The following SEMA5A variants were observed in gnomAD, a reference collection of about 807,000 sequenced individuals.
The protein encoded by SEMA5A is semaphorin-5A.
In SEMA5A, 55 loss-of-function variants were observed where a neutral mutation model predicts 135.5. The ratio of observed to expected loss-of-function variants is 0.41; its 90% CI spans 0.33 to 0.51. The LOEUF (loss-of-function observed/expected upper bound fraction) is 0.51. Ranked by LOEUF, SEMA5A falls within the 20% of genes least tolerant of loss-of-function variation. The pLI is 0.37. For synonymous variants in SEMA5A, 580 were observed against 546.5 expected, an observed-to-expected ratio of 1.06 and a Z score of -0.85; for missense variants, 1,290 against 1,419.9, an observed-to-expected ratio of 0.91 and a Z score of 1.47.
intron 12 of SEMA5A, among the ~76,000 whole-genome samples, chr5:9,148,301 C>T (rs1203200130): frequency 6.6e-6 from 1 of 152,136 alleles, no homozygotes; most frequent in Non-Finnish European, 1.5e-5. Flanking sequence ...ACTTAGGGGT[C>T]AGCAAACCAC....
chr5:9,531,249 G>A (rs1354827193), intron 1 of SEMA5A, among the ~76,000 whole-genome samples: 1 of 152,170 alleles, frequency 6.6e-6, no homozygotes, highest in Non-Finnish European at 1.5e-5. Flanking sequence ...ATCCTGAAAA[G>A]GAAGACTGTA....
chr5:9,350,856 C>T (rs557891500), intron 3 of SEMA5A, among the ~76,000 whole-genome samples: 82 of 152,310 alleles, frequency 5.4e-4, no homozygotes, highest in South Asian at 1.5e-3. Flanking sequence ...TCTACATCTA[C>T]CCCATCACTG....
chr5:9,538,023 G>A (rs1219441050), intron 1 of SEMA5A, among the ~76,000 whole-genome samples: 1 of 152,150 alleles, frequency 6.6e-6, no homozygotes, highest in Non-Finnish European at 1.5e-5. Flanking sequence ...GAGAGCTGAG[G>A]AAGCCTGTGG....
chr5:9,465,282 T>C (rs1187850066), intron 1 of SEMA5A, among the ~76,000 whole-genome samples: 1 of 152,224 alleles, frequency 6.6e-6, no homozygotes, highest in Non-Finnish European at 1.5e-5. Context: ...AATAAGAATC[T>C]TATGTAAAAT....
In SEMA5A at chr5:9,087,404, G is replaced by C. The variant is rs182409358; in HGVS notation, c.2073+20736C>G. On this transcript the variant is annotated intron_variant, in intron 16 of 22. Transcript: ENST00000382496. ...TTATCCAAATCAGTGTTTAAAGACT[G>C]GGTCTTCATCTGCTTAAATATGATT... Among the ~76,000 whole-genome samples, 54 of 152,206 alleles carry C rather than the reference G, an allele frequency of 3.5e-4. No homozygotes were observed. In the East Asian group the frequency reaches 7.5e-3, roughly 21 times the overall value.
chr5:9,046,967 T>G (rs1736294454), intron 21 of SEMA5A, among the ~76,000 whole-genome samples: 1 of 152,224 alleles, frequency 6.6e-6, no homozygotes, highest in Non-Finnish European at 1.5e-5. Flanking sequence ...GTCAATGGTT[T>G]CAGCATCTTT....
At chr5:9,534,009 G>A (rs1737604977) in intron 1 of SEMA5A, among the ~76,000 whole-genome samples, 1 of 152,128 alleles carries the variant, frequency 6.6e-6, no homozygotes, top group Admixed American at 6.6e-5. Flanking sequence ...ACCTGAAGAG[G>A]AACAAAGATA....
At chr5:9,122,541 G>A in intron 14 of SEMA5A, 115 bp downstream of exon 14, 2 of 1,037,046 alleles carry the variant, frequency 1.9e-6, no homozygotes, top group East Asian at 3.0e-5. Flanking sequence ...AATGTCCCTG[G>A]TGTTTCACCA....
At chr5:9,284,526 C>T (rs1410156840) in intron 5 of SEMA5A, among the ~76,000 whole-genome samples, 1 of 152,150 alleles carries the variant, frequency 6.6e-6, no homozygotes, top group Non-Finnish European at 1.5e-5. Flanking sequence ...ATAATTACTT[C>T]CATTCCTTTT....
chr5:9,479,375 C>A (rs1387311859), intron 1 of SEMA5A, among the ~76,000 whole-genome samples: 1 of 139,848 alleles, frequency 7.2e-6, no homozygotes, highest in Non-Finnish European at 1.5e-5. Context: ...CCTAGTGTGA[C>A]CATGTCTATG....
At chr5:9,367,428 G>A (rs1315039263) in intron 3 of SEMA5A, 1 of 152,104 alleles carries the variant, frequency 6.6e-6, no homozygotes, top group African/African-American at 2.4e-5. Context: ...TACTACAAAA[G>A]CTACTCAGGC....
chr5:9,073,067 G>A (rs752702999), intron 16 of SEMA5A, among the ~76,000 whole-genome samples: 6 of 152,104 alleles, frequency 3.9e-5, no homozygotes, highest in Non-Finnish European at 7.4e-5. Flanking sequence ...AATTGCAAAC[G>A]AGACAGTATC....
chr5:9,100,633 T>C (rs1739575759), intron 16 of SEMA5A, among the ~76,000 whole-genome samples: 1 of 152,118 alleles, frequency 6.6e-6, no homozygotes, highest in South Asian at 2.1e-4. Context: ...TGTCGACATA[T>C]AAAAAACCAC....
At chr5:9,107,569 T>C (rs544086785) in intron 16 of SEMA5A, among the ~76,000 whole-genome samples, 1 of 152,170 alleles carries the variant, frequency 6.6e-6, no homozygotes, top group African/African-American at 2.4e-5. Context: ...GCTGAAGGCT[T>C]TGTGACTCAG....
chr5:9,386,972 T>C (rs1014157191), intron 2 of SEMA5A, among the ~76,000 whole-genome samples: 2 of 152,148 alleles, frequency 1.3e-5, no homozygotes, highest in African/African-American at 4.8e-5. Flanking sequence ...CTCCCAGAAT[T>C]TGGAAGGTGA....
intron 6 of SEMA5A, among the ~76,000 whole-genome samples, chr5:9,235,253 T>C (rs1016183143): frequency 3.7e-4 from 57 of 152,272 alleles, no homozygotes; most frequent in Admixed American, 3.3e-3. Context: ...AACAAATATA[T>C]ACATGTAATC....
At chr5:9,063,196 C>T in intron 17 of SEMA5A, 91 bp from the exon 18 acceptor site, 5 of 1,281,314 alleles carry the variant, frequency 3.9e-6, no homozygotes, top group Non-Finnish European at 5.5e-6. Flanking sequence ...TGCTGTCTGC[C>T]TTATTTCTAG....
chr5:9,130,745 A>C (rs938465474), intron 13 of SEMA5A, among the ~76,000 whole-genome samples: 1 of 152,186 alleles, frequency 6.6e-6, no homozygotes, highest in African/African-American at 2.4e-5. Context: ...TTCAGAAATA[A>C]TCTCTCACCT....
At chr5:9,193,342 G>A (rs1745215952) in intron 10 of SEMA5A, among the ~76,000 whole-genome samples, 1 of 152,208 alleles carries the variant, frequency 6.6e-6, no homozygotes, top group Admixed American at 6.5e-5. Context: ...TAAAAGCACA[G>A]CCATTGCTCT....
Sources: allele counts gnomAD v4.1 joint callset (sites outside exome capture counted in the v4.1 genomes callset), GRCh38; gene constraint gnomAD v4.1.1; transcripts MANE v1.5; gene names NCBI Gene and HGNC (gene_info 2026-07-23, HGNC 2026-07-21).